PPP1R1C: variants seen among roughly 807,000 people sequenced by gnomAD.
PPP1R1C encodes the protein protein phosphatase 1 regulatory inhibitor subunit 1C, also known as protein phosphatase 1 regulatory subunit 1C.
PPP1R1C carries 15 observed loss-of-function variants against 17.4 expected under a neutral mutation model. That is an observed-to-expected ratio of 0.86 (90% CI 0.58 to 1.33). PPP1R1C has a LOEUF of 1.33. Among genes scored for constraint, PPP1R1C ranks in the 40% most tolerant of loss-of-function variants. The probability of loss-of-function intolerance (pLI) is 0.00; values close to 1 mark genes in which losing one functional copy is unlikely to be tolerated. For missense variants in PPP1R1C, 143 were observed against 130.0 expected (o/e 1.10, Z -0.48); for synonymous variants, 35 against 43.1 (o/e 0.81, Z 0.73).
intron 2 of PPP1R1C, among the ~76,000 whole-genome samples, chr2:182,024,070 T>C (rs1374687277): frequency 5.3e-5 from 8 of 152,210 alleles, no homozygotes; most frequent in Non-Finnish European, 8.8e-5. Flanking sequence ...CCAACATATA[T>C]TTAAACCAGA....
At chr2:182,002,927 A>ACCCCCCCCCCCC (rs200353111) in intron 2 of PPP1R1C, among the ~76,000 whole-genome samples, 67 of 90,890 alleles carry the variant, frequency 7.4e-4, no homozygotes, top group Non-Finnish European at 1.2e-3. Context: ...GATGCCATAA[A>ACCCCCCCCCCCC]CCTCCCCCCC....
At position 181,986,025 on chromosome 2, in the gene PPP1R1C, G is replaced by C; in HGVS notation, c.-86G>C. 3.0e-6 allele frequency: 3 copies of C among 984,784 alleles called. No homozygotes were observed. Among genetic ancestry groups the C allele is most frequent in the Non-Finnish European group, 4.9e-6 (3 of 610,772 alleles). The allele number at this position is 984,784 out of a possible 1,614,324, so 61.0% of individuals were successfully genotyped here. ...GAAGCACTCTGTGTGGCTTAGTGGA[G>C]TGTGTCTGAGGAAACACATCCCGGA... is the stretch of plus-strand genomic sequence containing the variant. On this transcript the variant is annotated 5_prime_UTR_variant, in exon 1 of 5. Coordinates refer to ENST00000682840, the MANE Select transcript of PPP1R1C (RefSeq NM_001080545.3).
chr2:181,993,326 T>C (rs1255658562), intron 2 of PPP1R1C, among the ~76,000 whole-genome samples: 2 of 152,048 alleles, frequency 1.3e-5, no homozygotes, highest in Non-Finnish European at 2.9e-5. Flanking sequence ...CAAGAGAAAA[T>C]TGGGCTCCAG....
At chr2:182,071,122 T>C (rs1472790374) in intron 4 of PPP1R1C, among the ~76,000 whole-genome samples, 1 of 152,204 alleles carries the variant, frequency 6.6e-6, no homozygotes, top group Non-Finnish European at 1.5e-5. Flanking sequence ...TACGTTGTTA[T>C]TAACTAAAGC....
chr2:182,066,965 TG>T (rs1688001430), intron 4 of PPP1R1C, among the ~76,000 whole-genome samples: 21 of 71,416 alleles, frequency 2.9e-4, no homozygotes, highest in Admixed American at 1.3e-3. Context: ...TGTGTGTGTG[TG>T]TTTGTGTGTG....
intron 2 of PPP1R1C, among the ~76,000 whole-genome samples, chr2:181,990,200 G>A (rs1685435399): frequency 1.3e-5 from 2 of 151,402 alleles, no homozygotes; most frequent in South Asian, 2.1e-4. Context: ...GTGCAGTGGC[G>A]CGATCTCAGC....
intron 4 of PPP1R1C, among the ~76,000 whole-genome samples, chr2:182,094,275 G>T (rs774971455): frequency 1.2e-4 from 18 of 152,134 alleles, no homozygotes; most frequent in Admixed American, 6.5e-5. Context: ...GCATGGGAAA[G>T]ACCTGCCCCC....
chr2:182,118,623 G>A (rs1574466212), downstream of PPP1R1C, among the ~76,000 whole-genome samples: 1 of 150,566 alleles, frequency 6.6e-6, no homozygotes, highest in Non-Finnish European at 1.5e-5. Context: ...TATGAGTTTT[G>A]TAATGTAGAA....
chr2:182,096,544 C>T (rs1400003), intron 4 of PPP1R1C, among the ~76,000 whole-genome samples: 37,350 of 151,912 alleles, frequency 0.25, 5,049 homozygotes, highest in African/African-American at 0.37. Flanking sequence ...GTGACCTCCC[C>T]TCGCAAATCT....
intron 1 of PPP1R1C, among the ~76,000 whole-genome samples, chr2:181,987,153 C>G (rs1685322602): frequency 6.6e-6 from 1 of 151,786 alleles, no homozygotes; most frequent in South Asian, 2.1e-4. Flanking sequence ...TATTATCTAT[C>G]CTACTGACAC....
chr2:181,981,834 G>A (rs1486509102), upstream of PPP1R1C, among the ~76,000 whole-genome samples: 1 of 152,214 alleles, frequency 6.6e-6, no homozygotes, highest in Non-Finnish European at 1.5e-5. Flanking sequence ...TTAAATAGAA[G>A]AGACAGAAAA....
chr2:182,013,743 C>T (rs1588928), intron 2 of PPP1R1C, among the ~76,000 whole-genome samples: 49,653 of 151,818 alleles, frequency 0.33, 8,607 homozygotes, highest in African/African-American at 0.42. Flanking sequence ...TTTGTCTCCC[C>T]GATTGTGTAT....
Position 181,988,007 on chromosome 2 carries a change from G to A in PPP1R1C, c.142+108G>A, listed in dbSNP as rs1574354760. The stretch of plus-strand genomic sequence containing the variant: ...GTTTCAATTTAGGATTTCACAGTTA[G>A]CAATACTCTAGAAAGCTAATCTATA... On this transcript the variant is annotated intron_variant, in intron 2 of 4. Coordinates refer to ENST00000682840, the MANE Select transcript of PPP1R1C (RefSeq NM_001080545.3). 5 of 805,374 alleles carry A rather than the reference G, an allele frequency of 6.2e-6. No homozygotes were observed. The East Asian group carries it at 1.1e-4, about 17-fold the overall frequency. The allele number at this position is 805,374 out of a possible 1,614,324, so 49.9% of individuals were successfully genotyped here.
At position 182,054,549 on chromosome 2, in the gene PPP1R1C, A is replaced by G. The variant is rs144784022; in HGVS notation, c.143-6893A>G. On this transcript the variant is annotated intron_variant, in intron 2 of 4. Coordinates refer to ENST00000682840, the MANE Select transcript of PPP1R1C (RefSeq NM_001080545.3). ...TGTTATATGAATTGAATTACACAGT[A>G]TGTGACCTTTTGAAATTGGCTTTTT... 2.7e-3 allele frequency among the ~76,000 whole-genome samples: 409 copies of G among 151,996 alleles called. 3 individuals carry two copies. Among genetic ancestry groups the G allele is most frequent in the African/African-American group, 9.2e-3 (381 of 41,456 alleles).
chr2:182,050,428 C>T (rs1449438577), intron 2 of PPP1R1C, among the ~76,000 whole-genome samples: 1 of 152,164 alleles, frequency 6.6e-6, no homozygotes, highest in Non-Finnish European at 1.5e-5. Context: ...AACTCCACTC[C>T]ATCTGCTGAC....
chr2:182,044,184 C>T (rs1171371249), intron 2 of PPP1R1C, among the ~76,000 whole-genome samples: 2 of 152,188 alleles, frequency 1.3e-5, no homozygotes, highest in Admixed American at 1.3e-4. Flanking sequence ...TCCTCCAATT[C>T]ATTCTCCACA....
chr2:182,095,687 T>C (rs1107901), intron 4 of PPP1R1C, among the ~76,000 whole-genome samples: 39,430 of 152,130 alleles, frequency 0.26, 5,563 homozygotes, highest in African/African-American at 0.38. Context: ...ATCTTTTCTT[T>C]ACCCATCAGA....
At chr2:182,115,273 A>C (rs1410282331) in intron 4 of PPP1R1C, among the ~76,000 whole-genome samples, 1 of 152,180 alleles carries the variant, frequency 6.6e-6, no homozygotes, top group East Asian at 1.9e-4. Context: ...GAATGATGGA[A>C]AGTTTGGGTC....
rs1413973214 is a variant in PPP1R1C, at chr2:182,030,513, G to T, written c.143-30929G>T. On this transcript the variant is annotated intron_variant, in intron 2 of 4. Transcript: ENST00000682840. ...TGCCCCTGCTGGGGGGTGCCTCCCA[G>T]TTAGGCTGCTCGGGGGTCAGGGGTC... Among the ~76,000 whole-genome samples the T allele has an allele frequency of 1.1e-4, 17 of 150,570 alleles. No homozygotes were observed. In the South Asian group the frequency reaches 2.6e-3, roughly 23 times the overall value.
Sources: gnomAD v4.1 joint callset for allele counts (sites outside exome capture counted in the v4.1 genomes callset) on GRCh38, gnomAD v4.1.1 for gene constraint, MANE v1.5 for transcripts, NCBI Gene and HGNC (gene_info 2026-07-23, HGNC 2026-07-21) for gene names.